Variants in SLC2A13 observed in about 807,000 individuals in gnomAD.
The protein encoded by SLC2A13 is proton myo-inositol cotransporter.
SLC2A13 carries 32 observed loss-of-function variants against 64.4 expected under a neutral mutation model. The observed-to-expected ratio is 0.50, with a 90% CI of 0.37 to 0.67. The LOEUF (loss-of-function observed/expected upper bound fraction) is 0.67, where lower values mean the gene tolerates loss of function less well. Ranked by LOEUF, SLC2A13 falls within the 30% of genes least tolerant of loss-of-function variation. The pLI, the probability that SLC2A13 is intolerant of heterozygous loss-of-function variation, is 0.00. For synonymous variants in SLC2A13, 338 were observed against 327.1 expected (o/e 1.03, Z -0.36); for missense variants, 743 against 829.2 (o/e 0.90, Z 1.28).
intron 2 of SLC2A13, among the ~76,000 whole-genome samples, chr12:40,042,697 C>T (rs533181730): frequency 6.6e-6 from 1 of 151,984 alleles, no homozygotes; most frequent in Non-Finnish European, 1.5e-5. Context: ...CTATGTTCTG[C>T]GCCCTTCCTA....
intron 1 of SLC2A13, among the ~76,000 whole-genome samples, chr12:40,095,473 C>A (rs930939235): frequency 1.3e-5 from 2 of 152,118 alleles, no homozygotes; most frequent in African/African-American, 4.8e-5. Context: ...AGGTTCTATT[C>A]TTTGGGCTTA....
intron 7 of SLC2A13, chr12:39,829,302 C>T (rs969680497): frequency 6.7e-6 from 1 of 148,512 alleles, no homozygotes; most frequent in Non-Finnish European, 1.5e-5. Context: ...AAATTTTATC[C>T]TTATTTTGCT....
At chr12:39,881,929 C>T (rs563524120) in intron 4 of SLC2A13, among the ~76,000 whole-genome samples, 1 of 152,046 alleles carries the variant, frequency 6.6e-6, no homozygotes, top group East Asian at 1.9e-4. Context: ...GTGACAGTGG[C>T]ATCAACATGG....
chr12:40,072,108 A>T (rs1937981170), intron 1 of SLC2A13, among the ~76,000 whole-genome samples: 2 of 152,010 alleles, frequency 1.3e-5, no homozygotes, highest in Non-Finnish European at 2.9e-5. Flanking sequence ...TTCATTTTTC[A>T]CTTTCATTTA....
chr12:39,976,288 T>A (rs1303422136), intron 3 of SLC2A13, among the ~76,000 whole-genome samples: 1 of 152,218 alleles, frequency 6.6e-6, no homozygotes, highest in Non-Finnish European at 1.5e-5. Flanking sequence ...GCACCAGGAC[T>A]CTGTATGGTA....
At chr12:40,057,628 CAT>C (rs1768225576) in intron 1 of SLC2A13, among the ~76,000 whole-genome samples, 1 of 152,086 alleles carries the variant, frequency 6.6e-6, no homozygotes, top group South Asian at 2.1e-4. Context: ...TTCTAAGTAA[CAT>C]ATTTCTTGAG....
chr12:40,105,429 G>T lies in SLC2A13; in HGVS notation c.380C>A (p.Thr127Lys), dbSNP rs1158126836. The change falls in exon 1 of 10, where the codon ACG (threonine) becomes AAG (lysine). Residue 127 changes from threonine to lysine, a missense_variant. Thr to Lys is a moderately conservative substitution (Grantham distance 78, BLOSUM62 -1). This residue lies in a region of SLC2A13 where 448 missense variants were observed against 447.4 expected (regional missense o/e 1.00). Transcript: ENST00000280871. This position sits in a 1 kb window ranked among gnomAD's most constrained non-coding sequence, Gnocchi z 4.2. ...CGCCGAGACGGCAGCCGCCCCCACC[G>T]TGCTGGACACCAGCAGCTCCTGCCA... Reference protein sequence around the residue: ...ALWQELLVSSTVGAAAVSALA... With the variant: ...ALWQELLVSSKVGAAAVSALA... 6.4e-7 allele frequency: 1 copy of T among 1,553,428 alleles called. No homozygotes were observed. Among genetic ancestry groups the T allele is most frequent in the Non-Finnish European group, 8.7e-7 (1 of 1,149,470 alleles).
chr12:40,033,099 C>G (rs985024612), intron 2 of SLC2A13, among the ~76,000 whole-genome samples: 12 of 152,156 alleles, frequency 7.9e-5, no homozygotes, highest in African/African-American at 2.9e-4. Flanking sequence ...CCCTATGAGG[C>G]GAGTGCCATT....
chr12:40,020,007 A>C (rs1473717438), intron 3 of SLC2A13, among the ~76,000 whole-genome samples: 1 of 152,194 alleles, frequency 6.6e-6, no homozygotes, highest in African/African-American at 2.4e-5. Context: ...ATTCAGTAAG[A>C]TACTGATTAA....
chr12:40,015,833 T>C (rs1003072141), intron 3 of SLC2A13, among the ~76,000 whole-genome samples: 4 of 152,200 alleles, frequency 2.6e-5, no homozygotes, highest in African/African-American at 9.7e-5. Flanking sequence ...ACTTGAGGTT[T>C]TTCTCATCTC....
At chr12:40,033,103 T>C (rs28370797) in intron 2 of SLC2A13, among the ~76,000 whole-genome samples, 86 of 152,148 alleles carry the variant, frequency 5.7e-4, no homozygotes, top group Admixed American at 1.7e-3. Context: ...ATGAGGCGAG[T>C]GCCATTATTA....
intron 6 of SLC2A13, among the ~76,000 whole-genome samples, chr12:39,852,176 A>G (rs78183181): frequency 0.014 from 2,111 of 152,302 alleles, 23 homozygotes; most frequent in Non-Finnish European, 0.019. Flanking sequence ...AAATAACAGC[A>G]TCTTGATCAG....
Position 39,930,145 on chromosome 12 carries a change from A to G in SLC2A13, c.1034+21112T>C, listed in dbSNP as rs566549762. Reference sequence around the variant, plus strand: ...GACTTCGTCTCAAAAAAAAAAAAAAACCAAAAAACGAAAAAGAATGTGGCA... The same window carrying G: ...GACTTCGTCTCAAAAAAAAAAAAAAGCCAAAAAACGAAAAAGAATGTGGCA... On this transcript the variant is annotated intron_variant, in intron 4 of 9. Coordinates refer to ENST00000280871, the MANE Select transcript of SLC2A13 (RefSeq NM_052885.4). Among the ~76,000 whole-genome samples, 108 of 151,576 alleles carry G rather than the reference A, an allele frequency of 7.1e-4. 1 individual carries two copies. Among genetic ancestry groups the G allele is most frequent in the Middle Eastern group, 3.4e-3 (1 of 292 alleles).
At chr12:39,840,767 G>C (rs1274687409) in intron 6 of SLC2A13, among the ~76,000 whole-genome samples, 1 of 151,978 alleles carries the variant, frequency 6.6e-6, no homozygotes, top group Admixed American at 6.6e-5. Context: ...TGCTGTGTTT[G>C]CTTTCCCTTA....
In SLC2A13 at chr12:39,764,877, T is replaced by TAAG. The variant is rs748113788; in HGVS notation, c.1446-22_1446-20dup. 1.9e-6 allele frequency: 3 copies of TAAG among 1,608,860 alleles called. No individual in the cohort carries two copies. Among genetic ancestry groups the TAAG allele is most frequent in the Admixed American group, 1.7e-5 (1 of 59,434 alleles). The stretch of plus-strand genomic sequence containing the variant: ...TTCACACCTGAAAAATAATGCAATA[T>TAAG]AAGTATTAACTTAATGTTTTTGACT... On this transcript the variant is annotated intron_variant, in intron 7 of 9. Coordinates refer to ENST00000280871, the MANE Select transcript of SLC2A13 (RefSeq NM_052885.4).
intron 6 of SLC2A13, among the ~76,000 whole-genome samples, chr12:39,862,425 G>GTCAA (rs1943787279): frequency 6.6e-6 from 1 of 152,174 alleles, no homozygotes; most frequent in Admixed American, 6.5e-5. Flanking sequence ...GACGTGCTGA[G>GTCAA]TCAATGGACA....
At chr12:39,949,683 T>C (rs1592311070) in intron 4 of SLC2A13, 1 of 152,324 alleles carries the variant, frequency 6.6e-6, no homozygotes, top group Non-Finnish European at 1.5e-5. Context: ...GAAAAATCCT[T>C]CACTTTCTAT....
intron 6 of SLC2A13, among the ~76,000 whole-genome samples, chr12:39,841,376 A>G (rs1943172727): frequency 6.6e-6 from 1 of 152,118 alleles, no homozygotes; most frequent in Admixed American, 6.6e-5. Flanking sequence ...ATCTGAACAA[A>G]ATGCACCAAT....
intron 4 of SLC2A13, among the ~76,000 whole-genome samples, chr12:39,877,993 T>G (rs1944234921): frequency 6.6e-6 from 1 of 152,140 alleles, no homozygotes; most frequent in African/African-American, 2.4e-5. Flanking sequence ...CCTGACCCAC[T>G]CTCCTACTGC....
Sources: gnomAD v4.1 joint callset for allele counts (sites outside exome capture counted in the v4.1 genomes callset) on GRCh38, gnomAD v4.1.1 for gene constraint, gnomAD v4.1.1 regional missense constraint, Gnocchi (gnomAD v3.1) non-coding constraint, MANE v1.5 for transcripts, NCBI Gene and HGNC (gene_info 2026-07-23, HGNC 2026-07-21) for gene names.